The following LARGE1 variants were observed in gnomAD, a reference collection of about 807,000 sequenced individuals.
The protein encoded by LARGE1 is xylosyl- and glucuronyltransferase LARGE1.
A neutral mutation model predicts 87.6 loss-of-function variants in LARGE1; 43 were observed. That is an observed-to-expected ratio of 0.49 (90% CI 0.38 to 0.63). LARGE1 has a LOEUF of 0.63. Ranked by LOEUF, LARGE1 falls within the 30% of genes least tolerant of loss-of-function variation. The pLI is 0.00. For synonymous variants in LARGE1, 434 were observed against 394.6 expected, an observed-to-expected ratio of 1.10 and a Z score of -1.18; for missense variants, 802 against 1,000.2, an observed-to-expected ratio of 0.80 and a Z score of 2.67.
chr22:33,382,788 C>G (rs2065201088), intron 8 of LARGE1, among the ~76,000 whole-genome samples: 1 of 152,254 alleles, frequency 6.6e-6, no homozygotes, highest in Non-Finnish European at 1.5e-5. Flanking sequence ...GGGGGACATG[C>G]TCAAGTCACT....
intron 6 of LARGE1, among the ~76,000 whole-genome samples, chr22:33,502,102 A>G (rs2148373669): frequency 6.6e-6 from 1 of 152,030 alleles, no homozygotes; most frequent in East Asian, 1.9e-4. Flanking sequence ...AGGCTGAGGC[A>G]GGAGAATCCC....
At chr22:33,302,166 CA>C (rs1293895446) in intron 12 of LARGE1, among the ~76,000 whole-genome samples, 1 of 152,224 alleles carries the variant, frequency 6.6e-6, no homozygotes, top group Non-Finnish European at 1.5e-5. Context: ...TCAGAATCTG[CA>C]GGCATCAGAG....
At position 33,227,231 on chromosome 22, in the gene LARGE1, C is replaced by A. The variant is rs547890320; in HGVS notation, c.1731-60399G>T. ...GCCTTGCCCAAAGTCATACAGACAG[C>A]TAGTGGCAGATTAAGGTTTACAGCA... On this transcript the variant is annotated intron_variant, in intron 11 of 11. Coordinates refer to the LARGE1 transcript ENST00000608642. Among the ~76,000 whole-genome samples the A allele has an allele frequency of 1.1e-4, 17 of 152,284 alleles. 1 individual carries two copies. In the South Asian group the frequency reaches 3.5e-3, roughly 32 times the overall value.
At chr22:33,792,798 C>A (rs1478954029) in intron 1 of LARGE1, among the ~76,000 whole-genome samples, 2 of 152,198 alleles carry the variant, frequency 1.3e-5, no homozygotes, top group Non-Finnish European at 1.5e-5. Context: ...CTCCCCCATT[C>A]TTAGCCAAGA....
At chr22:33,135,698 G>A in the LARGE1 span, among the ~76,000 whole-genome samples, 1 of 152,086 alleles carries the variant, frequency 6.6e-6, no homozygotes, top group Non-Finnish European at 1.5e-5. Flanking sequence ...AAATTAGCCG[G>A]GCACGGTGGC....
chr22:33,193,515 CATA>C (rs1194793688), intron 11 of LARGE1, among the ~76,000 whole-genome samples: 2 of 152,120 alleles, frequency 1.3e-5, no homozygotes, highest in Non-Finnish European at 2.9e-5. Context: ...ATCTGGTTAA[CATA>C]ATATGGATGT....
Position 33,179,360 on chromosome 22 carries a change from C to G in LARGE1, c.1731-12528G>C, listed in dbSNP as rs558536741. Among the ~76,000 whole-genome samples the G allele has an allele frequency of 2.6e-5, 4 of 152,270 alleles. No homozygotes were observed. The East Asian group carries it at 7.7e-4, about 29-fold the overall frequency. ...GCCCTTTGCCCCCTACACACTTATA[C>G]CTGGATCTTTCTTCTCTTGAGCAAA... On this transcript the variant is annotated intron_variant, in intron 11 of 11. Transcript: ENST00000608642.
At chr22:33,340,165 C>T (rs1342199321) in intron 9 of LARGE1, among the ~76,000 whole-genome samples, 2 of 151,772 alleles carry the variant, frequency 1.3e-5, no homozygotes, top group Admixed American at 1.3e-4. Context: ...CTCCATTTTA[C>T]AGATGGGGAA....
At chr22:33,626,177 T>C in intron 4 of LARGE1, 67 bp downstream of exon 4, 1 of 1,424,946 alleles carries the variant, frequency 7.0e-7, no homozygotes, top group South Asian at 1.2e-5. Context: ...ATTTAACCCT[T>C]CCCCAAGGAA....
intron 1 of LARGE1, among the ~76,000 whole-genome samples, chr22:33,915,062 G>C (rs12628616): frequency 0.047 from 7,062 of 150,708 alleles, 187 homozygotes; most frequent in East Asian, 0.12. Flanking sequence ...GAGAGAGAGA[G>C]AGGCTTCTAA....
intron 11 of LARGE1, among the ~76,000 whole-genome samples, chr22:33,189,949 C>T (rs1323861347): frequency 6.6e-6 from 1 of 152,146 alleles, no homozygotes; most frequent in East Asian, 1.9e-4. Context: ...AAGAAGTTGT[C>T]CAAAGGGACA....
At chr22:33,833,378 G>A (rs2063026645) in intron 1 of LARGE1, among the ~76,000 whole-genome samples, 1 of 152,182 alleles carries the variant, frequency 6.6e-6, no homozygotes, top group Non-Finnish European at 1.5e-5. Context: ...AGATGGGAAT[G>A]TATGAGTGGG....
chr22:33,795,315 C>T (rs907321895), intron 1 of LARGE1, among the ~76,000 whole-genome samples: 2 of 152,202 alleles, frequency 1.3e-5, no homozygotes, highest in Non-Finnish European at 2.9e-5. Flanking sequence ...ATAATAATTA[C>T]TACCACTACT....
intron 1 of LARGE1, among the ~76,000 whole-genome samples, chr22:33,798,832 C>A (rs1459730071): frequency 6.6e-6 from 1 of 152,178 alleles, no homozygotes. Context: ...CCGGAGGAAT[C>A]CTCCAGGAGG....
At chr22:33,108,054 C>A in the LARGE1 span, among the ~76,000 whole-genome samples, 16 of 152,032 alleles carry the variant, frequency 1.1e-4, no homozygotes, top group Admixed American at 3.3e-4. Flanking sequence ...ATTCATAAAG[C>A]AAACGCTATA....
intron 12 of LARGE1, among the ~76,000 whole-genome samples, chr22:33,300,798 C>T (rs1233361171): frequency 6.6e-6 from 1 of 152,146 alleles, no homozygotes; most frequent in African/African-American, 2.4e-5. Context: ...CCTCGGCCTC[C>T]CAAAGTGCTG....
At chr22:33,203,087 C>G (rs144891416) in intron 11 of LARGE1, among the ~76,000 whole-genome samples, 1,875 of 134,002 alleles carry the variant, frequency 0.014, 17 homozygotes, top group South Asian at 0.027. Context: ...CTCTCTCTCT[C>G]TCTCTCTCTC....
chr22:33,082,886 G>A, the LARGE1 span, among the ~76,000 whole-genome samples: 6 of 152,062 alleles, frequency 3.9e-5, no homozygotes, highest in Admixed American at 1.3e-4. Context: ...TTAGCCGGGC[G>A]TGGTGGCGGG....
chr22:33,333,841 G>T (rs1290196462), intron 10 of LARGE1, among the ~76,000 whole-genome samples: 3 of 152,126 alleles, frequency 2.0e-5, no homozygotes, highest in Admixed American at 6.5e-5. Flanking sequence ...AACAGGGGCT[G>T]GGTGCAGTGG....
Sources: allele counts gnomAD v4.1 joint callset (sites outside exome capture counted in the v4.1 genomes callset), GRCh38; gene constraint gnomAD v4.1.1; transcripts MANE v1.5; gene names NCBI Gene and HGNC (gene_info 2026-07-23, HGNC 2026-07-21).